Variants in HDAC5 observed in about 807,000 individuals in gnomAD.
HDAC5 encodes histone deacetylase 5, also known as antigen NY-CO-9.
A neutral mutation model predicts 133.3 loss-of-function variants in HDAC5; 25 were observed. The ratio of observed to expected loss-of-function variants is 0.19; its 90% CI spans 0.14 to 0.26. HDAC5 has a LOEUF of 0.26. Ranked by LOEUF, HDAC5 falls within the 10% of genes least tolerant of loss-of-function variation. HDAC5 has a pLI of 1.00. For synonymous variants in HDAC5, 589 were observed against 610.8 expected (o/e 0.96, Z 0.53); for missense variants, 1,041 against 1,460.5 (o/e 0.71, Z 4.68).
In HDAC5 at chr17:44,083,853, G is replaced by A. The variant is rs768886041; in HGVS notation, c.2307C>T (p.Gly769=). Residue 769 remains glycine (G), a splice_region_variant and synonymous_variant, in exon 17 of 27, where the codon GGC becomes GGT. Coordinates refer to ENST00000682912, the MANE Select transcript of HDAC5 (RefSeq NM_005474.5). Reference sequence around the variant, plus strand: ...CAGCATACATCTTCTGGCTGATGGGGCCTGCATGGAAGAGGAATAGAGCTA... The same window carrying A: ...CAGCATACATCTTCTGGCTGATGGGACCTGCATGGAAGAGGAATAGAGCTA... The part of the protein sequence containing the change: ...RQKLDSKKLL[G]PISQKMYAVL... 8 of 1,613,790 alleles carry A rather than the reference G, an allele frequency of 5.0e-6. No homozygotes were observed. The highest frequency in any genetic ancestry group is 2.2e-5 in the East Asian group (1 of 44,892).
chr17:44,107,111 A>AT lies in HDAC5; in HGVS notation c.94+3617dup, dbSNP rs375745218. Among the ~76,000 whole-genome samples, 254 of 147,876 alleles carry AT rather than the reference A, an allele frequency of 1.7e-3. 1 individual carries two copies. The highest frequency in any genetic ancestry group is 5.2e-3 in the African/African-American group (209 of 40,342). On this transcript the variant is annotated intron_variant, in intron 3 of 26. Transcript: ENST00000682912. The stretch of plus-strand genomic sequence containing the variant: ...AGGTGCATGCTACTGTGCCTGATTA[A>AT]TTTTTTTTTTTACATTTTTTTGTAG...
rs1190098599 is a variant in HDAC5, at chr17:44,093,202, G to A, written c.531C>T (p.Ala177=). 6.2e-7 allele frequency: 1 copy of A among 1,610,940 alleles called. No homozygotes were observed. The highest frequency in any genetic ancestry group is 8.5e-7 in the Non-Finnish European group (1 of 1,178,110). ...TCAGCTTTACCTCAGTGCTGGCAAT[G>A]GCACCTGCAGGACAGGGCACAACTG... The part of the protein sequence containing the change: ...LRNKEKSKES[A]IASTEVKLRL... Residue 177 remains alanine (A), a synonymous_variant, in exon 6 of 27, where the codon GCC becomes GCT. Coordinates refer to ENST00000682912, the MANE Select transcript of HDAC5 (RefSeq NM_005474.5).
In HDAC5 at chr17:44,117,597, A is replaced by G; in HGVS notation, c.-82T>C. 1 of 1,508,650 alleles carries G rather than the reference A, an allele frequency of 6.6e-7. No homozygotes were observed. The highest frequency in any genetic ancestry group is 1.4e-5 in the African/African-American group (1 of 73,090). The allele number at this position is 1,508,650 out of a possible 1,614,324, so 93.5% of individuals were successfully genotyped here. A position where few individuals can be genotyped will look rare whatever the true frequency, so the allele number is the denominator to read the frequency against. On this transcript the variant is annotated 5_prime_UTR_variant, in exon 2 of 27. Coordinates refer to ENST00000682912, the MANE Select transcript of HDAC5 (RefSeq NM_005474.5). This position sits in a 1 kb window ranked among gnomAD's most constrained non-coding sequence, Gnocchi z 4.2. Reference sequence around the variant, plus strand: ...GCTGCGGTGATGTCAAGAGAGACAGACGATAACAGACAGACGGACGGGACG... The same window carrying G: ...GCTGCGGTGATGTCAAGAGAGACAGGCGATAACAGACAGACGGACGGGACG...
At chr17:44,080,045 GC>G in intron 23 of HDAC5, 61 bp downstream of exon 23, 1 of 1,159,872 alleles carries the variant, frequency 8.6e-7, no homozygotes, top group Admixed American at 1.7e-5. Flanking sequence ...CCTGCCCCAT[GC>G]CTCACTGGAC....
In HDAC5 at chr17:44,111,470, C is replaced by T. The variant is rs917848440; in HGVS notation, c.23-670G>A. The T allele has an allele frequency of 2.1e-5, 9 of 425,374 alleles. No homozygotes were observed. In the East Asian group the frequency reaches 2.1e-4, roughly 10 times the overall value. 26.3% of individuals were successfully genotyped at this position (425,374 alleles called of 1,614,324 possible). A position where few individuals can be genotyped will look rare whatever the true frequency, so the allele number is the denominator to read the frequency against. On this transcript the variant is annotated intron_variant, in intron 2 of 26. Coordinates refer to ENST00000682912, the MANE Select transcript of HDAC5 (RefSeq NM_005474.5). ...CAGAGGCTGGGCTGGGGAAGGGCGC[C>T]GGCCAGGGTACCCATGCATCTGGGA...
In HDAC5 at chr17:44,117,226, A is replaced by G. The variant is rs1567692813; in HGVS notation, c.22+268T>C. ...TGTCTTGGCTAGCAGGGGAAGGCGA[A>G]GCTGGAGCTGAACACCCCTAAGTTG... is the stretch of plus-strand genomic sequence containing the variant. On this transcript the variant is annotated intron_variant, in intron 2 of 26. Coordinates refer to ENST00000682912, the MANE Select transcript of HDAC5 (RefSeq NM_005474.5). The surrounding 1 kb of genome is among the most constrained non-coding windows in gnomAD (Gnocchi z 4.2). 6.6e-6 allele frequency among the ~76,000 whole-genome samples: 1 copy of G among 152,232 alleles called. No homozygotes were observed. Among genetic ancestry groups the G allele is most frequent in the Non-Finnish European group, 1.5e-5 (1 of 68,042 alleles).
chr17:44,078,274 G>C lies in HDAC5; in HGVS notation c.*102C>G. ...AGGAGCAGGAGGGGCAAGGCTGAGA[G>C]ACCCACACGGCACACCTTGTTGAAT... On this transcript the variant is annotated 3_prime_UTR_variant, in exon 27 of 27. Coordinates refer to ENST00000682912, the MANE Select transcript of HDAC5 (RefSeq NM_005474.5). 1.6e-6 allele frequency: 2 copies of C among 1,267,490 alleles called. No homozygotes were observed. Among genetic ancestry groups the C allele is most frequent in the Admixed American group, 3.0e-5 (1 of 33,402 alleles). 78.5% of individuals were successfully genotyped at this position (1,267,490 alleles called of 1,614,324 possible). A position where few individuals can be genotyped will look rare whatever the true frequency, so the allele number is the denominator to read the frequency against.
chr17:44,098,820 C>A (rs1051463714), intron 3 of HDAC5, among the ~76,000 whole-genome samples: 1 of 150,584 alleles, frequency 6.6e-6, no homozygotes, highest in Non-Finnish European at 1.5e-5. Flanking sequence ...TAGCAAAGAG[C>A]CCCACTGAAA....
At chr17:44,091,596 C>A in intron 10 of HDAC5, 104 bp from the exon 11 acceptor site, 1 of 1,493,198 alleles carries the variant, frequency 6.7e-7, no homozygotes, top group African/African-American at 1.4e-5. Flanking sequence ...GTAGGGCCAA[C>A]AGATCTCCCT....
At chr17:44,118,231 T>C (rs2052769067) in intron 1 of HDAC5, among the ~76,000 whole-genome samples, 1 of 152,224 alleles carries the variant, frequency 6.6e-6, no homozygotes. Flanking sequence ...TGTTTTGGTC[T>C]CCCACAGTTC....
chr17:44,092,133 C>T (rs1250287399), intron 9 of HDAC5, 39 bp downstream of exon 9: 1 of 1,569,432 alleles, frequency 6.4e-7, no homozygotes, highest in Non-Finnish European at 8.7e-7. Context: ...GAAGGAGCAA[C>T]TCTGTCCCCG....
chr17:44,102,911 A>C (rs919486468), intron 3 of HDAC5, among the ~76,000 whole-genome samples: 2 of 144,966 alleles, frequency 1.4e-5, no homozygotes, highest in Admixed American at 6.9e-5. Context: ...CAGCTGATCC[A>C]CCCGCCTCGC....
At chr17:44,095,583 A>G (rs1567668340) in intron 3 of HDAC5, among the ~76,000 whole-genome samples, 1 of 152,250 alleles carries the variant, frequency 6.6e-6, no homozygotes, top group East Asian at 1.9e-4. Context: ...AGCCAGGGAC[A>G]GGAGGGGGCT....
intron 2 of HDAC5, chr17:44,111,216 C>G: frequency 3.3e-6 from 1 of 298,560 alleles, no homozygotes; most frequent in South Asian, 3.2e-5. Context: ...CGGCTCCCTG[C>G]TCCTCCTTCC....
chr17:44,082,753 T>C lies in HDAC5; in HGVS notation c.2519+12A>G. 6.3e-7 allele frequency: 1 copy of C among 1,590,022 alleles called. No homozygotes were observed. Among genetic ancestry groups the C allele is most frequent in the Non-Finnish European group, 8.6e-7 (1 of 1,167,608 alleles). ...CAGGAAGGGGCGAGGGCAGAGAATC[T>C]AGGGCACTCACATGGCTGTGGATTC... On this transcript the variant is annotated intron_variant, in intron 19 of 26. Transcript: ENST00000682912.
At chr17:44,089,275 A>G (rs1332180639) in intron 11 of HDAC5, among the ~76,000 whole-genome samples, 1 of 152,208 alleles carries the variant, frequency 6.6e-6, no homozygotes, top group Non-Finnish European at 1.5e-5. Context: ...GCACTTTGGG[A>G]GTCCAAGGCA....
At chr17:44,097,099 T>A (rs1435149765) in intron 3 of HDAC5, among the ~76,000 whole-genome samples, 1 of 152,218 alleles carries the variant, frequency 6.6e-6, no homozygotes, top group Non-Finnish European at 1.5e-5. Context: ...CCCCCACACC[T>A]GTTTAGATGG....
intron 2 of HDAC5, chr17:44,111,677 T>C (rs1458989222): frequency 1.9e-6 from 1 of 517,168 alleles, no homozygotes; most frequent in East Asian, 5.5e-5. Flanking sequence ...TTGCTTAACT[T>C]CTGCCCTCCC....
intron 15 of HDAC5, 49 bp downstream of exon 15, chr17:44,084,973 C>T (rs749855425): frequency 6.4e-7 from 1 of 1,552,540 alleles, no homozygotes; most frequent in Non-Finnish European, 8.8e-7. Flanking sequence ...AACAGGGAAA[C>T]AAAGGCTGGA....
Sources: gnomAD v4.1 joint callset for allele counts (sites outside exome capture counted in the v4.1 genomes callset) on GRCh38, gnomAD v4.1.1 for gene constraint, Gnocchi (gnomAD v3.1) non-coding constraint, MANE v1.5 for transcripts, NCBI Gene and HGNC (gene_info 2026-07-23, HGNC 2026-07-21) for gene names.